Variants in ULK4 observed in about 807,000 individuals in gnomAD.
ULK4 encodes the protein unc-51 like kinase 4, also known as inactive serine/threonine-protein kinase ULK4.
Under a neutral mutation model 160.6 loss-of-function variants are expected in ULK4, and 133 were observed. The ratio of observed to expected loss-of-function variants is 0.83; its 90% CI spans 0.72 to 0.96. The LOEUF is 0.96. Among genes scored for constraint, ULK4 ranks in the 40% least tolerant of loss-of-function variants. The probability of loss-of-function intolerance (pLI) is 0.00; values close to 1 mark genes in which losing one functional copy is unlikely to be tolerated. For synonymous variants in ULK4, 534 were observed against 539.8 expected, an observed-to-expected ratio of 0.99 and a Z score of 0.15; for missense variants, 1,580 against 1,499.5, an observed-to-expected ratio of 1.05 and a Z score of -0.89.
At position 41,703,921 on chromosome 3, in the gene ULK4, G is replaced by T. The variant is rs377272564; in HGVS notation, c.2781+1136C>A. Reference sequence around the variant, plus strand: ...GTGGGGGCAGAGGGTAGAGAAATATGTGAGGAAACAAACTGAAGAATTCAG... The same window carrying T: ...GTGGGGGCAGAGGGTAGAGAAATATTTGAGGAAACAAACTGAAGAATTCAG... On this transcript the variant is annotated intron_variant, in intron 27 of 36. Transcript: ENST00000301831. Among the ~76,000 whole-genome samples the T allele has an allele frequency of 1.7e-4, 26 of 152,046 alleles. 1 individual carries two copies. The South Asian group carries it at 5.4e-3, about 32-fold the overall frequency.
At chr3:41,803,326 C>T (rs1270970242) in intron 19 of ULK4, among the ~76,000 whole-genome samples, 4 of 151,976 alleles carry the variant, frequency 2.6e-5, no homozygotes, top group Non-Finnish European at 5.9e-5. Context: ...GAAACATTAC[C>T]AAGTTAGACC....
At chr3:41,399,903 T>C (rs2125816546) in intron 34 of ULK4, among the ~76,000 whole-genome samples, 1 of 152,292 alleles carries the variant, frequency 6.6e-6, no homozygotes, top group South Asian at 2.1e-4. Flanking sequence ...CCATACCCAA[T>C]CACGCCCATG....
chr3:41,952,164 G>T (rs1479073733), intron 2 of ULK4, among the ~76,000 whole-genome samples: 1 of 151,816 alleles, frequency 6.6e-6, no homozygotes, highest in Non-Finnish European at 1.5e-5. Flanking sequence ...ATTTGCGTAA[G>T]ACACCAAAGA....
At chr3:41,257,317 G>A (rs1313974805) in intron 35 of ULK4, among the ~76,000 whole-genome samples, 3 of 152,024 alleles carry the variant, frequency 2.0e-5, no homozygotes, top group East Asian at 3.9e-4. Context: ...TTTGGAAGAC[G>A]ATTTGGCAGT....
chr3:41,327,497 G>A (rs977441300), intron 35 of ULK4, among the ~76,000 whole-genome samples: 1 of 151,894 alleles, frequency 6.6e-6, no homozygotes, highest in Non-Finnish European at 1.5e-5. Flanking sequence ...GCCCACACAC[G>A]TCCAGGACCC....
intron 25 of ULK4, among the ~76,000 whole-genome samples, 197 bp from the exon 26 acceptor site, chr3:41,705,502 CTTTTT>C (rs907493815): frequency 1.4e-5 from 2 of 146,076 alleles, no homozygotes; most frequent in African/African-American, 5.0e-5. Context: ...ACAATAATCT[CTTTTT>C]TTTTTTGAGA....
chr3:41,830,429 C>G (rs1416246757), intron 18 of ULK4, among the ~76,000 whole-genome samples: 1 of 151,818 alleles, frequency 6.6e-6, no homozygotes, highest in East Asian at 1.9e-4. Context: ...GAAAGCAAAT[C>G]AGTGGTAGTA....
intron 35 of ULK4, among the ~76,000 whole-genome samples, chr3:41,369,793 C>CAA (rs555783980): frequency 0.095 from 9,266 of 97,852 alleles, 421 homozygotes; most frequent in Middle Eastern, 0.14. Context: ...GACTATGTCT[C>CAA]AAAAAAAAAA....
At chr3:41,357,009 T>C (rs1221711555) in intron 35 of ULK4, among the ~76,000 whole-genome samples, 1 of 152,138 alleles carries the variant, frequency 6.6e-6, no homozygotes, top group East Asian at 1.9e-4. Flanking sequence ...GAATTTGGGG[T>C]GTGGAATCTC....
chr3:41,343,579 C>T (rs1400068434), intron 35 of ULK4, among the ~76,000 whole-genome samples: 3 of 151,924 alleles, frequency 2.0e-5, no homozygotes, highest in African/African-American at 7.3e-5. Flanking sequence ...GCTGGGATTA[C>T]AGGCGTGAGC....
At chr3:41,783,760 T>C (rs2039922505) in intron 21 of ULK4, among the ~76,000 whole-genome samples, 1 of 152,216 alleles carries the variant, frequency 6.6e-6, no homozygotes, top group Admixed American at 6.5e-5. Flanking sequence ...TTGACTACTT[T>C]AAGTTTTTAG....
chr3:41,344,480 G>T (rs1353875776), intron 35 of ULK4, among the ~76,000 whole-genome samples: 1 of 152,006 alleles, frequency 6.6e-6, no homozygotes, highest in Admixed American at 6.6e-5. Flanking sequence ...GCCCGGGTGA[G>T]GTGGCTCACA....
In ULK4 at chr3:41,693,697, G is replaced by A. The variant is rs142939871; in HGVS notation, c.2781+11360C>T. On this transcript the variant is annotated intron_variant, in intron 27 of 36. Transcript: ENST00000301831. ...AAGAGTAATGAGAGTATGATGGAAT[G>A]GCAATGGAGTAGGAGGGATATATAT... is the stretch of plus-strand genomic sequence containing the variant. Among the ~76,000 whole-genome samples, 574 of 152,298 alleles carry A rather than the reference G, an allele frequency of 3.8e-3. 4 individuals carry two copies. Among genetic ancestry groups the A allele is most frequent in the African/African-American group, 0.013 (547 of 41,558 alleles).
At chr3:41,721,333 AATATATATATATATAT>A (rs71075483) in intron 22 of ULK4, among the ~76,000 whole-genome samples, 1 of 26,952 alleles carries the variant, frequency 3.7e-5, no homozygotes, top group Non-Finnish European at 6.2e-5. Flanking sequence ...TTTTAATGTA[AATATATATATATATAT>A]ATATATATAT....
chr3:41,920,391 CAGG>C (rs1243274207), intron 5 of ULK4, among the ~76,000 whole-genome samples: 1 of 152,298 alleles, frequency 6.6e-6, no homozygotes, highest in Admixed American at 6.5e-5. Context: ...ACCATCTATC[CAGG>C]AGAATAGGAA....
At chr3:41,355,745 A>G (rs2081017925) in intron 35 of ULK4, among the ~76,000 whole-genome samples, 1 of 152,242 alleles carries the variant, frequency 6.6e-6, no homozygotes, top group South Asian at 2.1e-4. Flanking sequence ...GCATCACCAC[A>G]GATTAGACTT....
At chr3:41,835,390 C>T (rs548864185) in intron 18 of ULK4, among the ~76,000 whole-genome samples, 2 of 152,248 alleles carry the variant, frequency 1.3e-5, no homozygotes, top group East Asian at 3.9e-4. Context: ...TTGTTGAATT[C>T]AGTAGCACTT....
chr3:41,428,687 T>C (rs2082834056), intron 34 of ULK4, among the ~76,000 whole-genome samples: 1 of 152,158 alleles, frequency 6.6e-6, no homozygotes. Flanking sequence ...CTCTATGTAA[T>C]AAGTGGTGCT....
intron 12 of ULK4, among the ~76,000 whole-genome samples, chr3:41,905,162 C>T (rs1575922211): frequency 1.3e-5 from 2 of 152,264 alleles, no homozygotes; most frequent in African/African-American, 2.4e-5. Flanking sequence ...GAACAGAATC[C>T]AGAAATAAAC....
Sources: allele counts gnomAD v4.1 joint callset (sites outside exome capture counted in the v4.1 genomes callset), GRCh38; gene constraint gnomAD v4.1.1; transcripts MANE v1.5; gene names NCBI Gene and HGNC (gene_info 2026-07-23, HGNC 2026-07-21).